FRY: variants seen among roughly 807,000 people sequenced by gnomAD.
FRY encodes FRY microtubule binding protein.
Under a neutral mutation model 348.4 loss-of-function variants are expected in FRY, and 128 were observed. The observed-to-expected ratio is 0.37, with a 90% CI of 0.32 to 0.43. The LOEUF (loss-of-function observed/expected upper bound fraction) is 0.43, where lower values mean the gene tolerates loss of function less well. Ranked by LOEUF, FRY falls within the 20% of genes least tolerant of loss-of-function variation. FRY has a pLI of 1.00. For missense variants in FRY, 2,736 were observed against 3,695.2 expected (o/e 0.74, Z 6.73); for synonymous variants, 1,370 against 1,374.7 (o/e 1.00, Z 0.08).
At chr13:32,042,611 G>A (rs1031988098) in intron 1 of FRY, among the ~76,000 whole-genome samples, 2 of 152,164 alleles carry the variant, frequency 1.3e-5, no homozygotes, top group Admixed American at 1.3e-4. Flanking sequence ...CACACTACAT[G>A]ATCACAGGAT....
chr13:32,297,398 G>A lies in FRY; in HGVS notation c.*1938G>A, dbSNP rs995264711. ...CAGTAGACAACTTTCAGAGAGTTTT[G>A]TTGGGAGCCACAGTAGAAAGAACAG... On this transcript the variant is annotated 3_prime_UTR_variant, in exon 61 of 61. Coordinates refer to ENST00000542859, the MANE Select transcript of FRY (RefSeq NM_023037.3). 1 of 151,666 alleles carries A rather than the reference G, an allele frequency of 6.6e-6. No individual in the cohort carries two copies. Among genetic ancestry groups the A allele is most frequent in the Non-Finnish European group, 1.5e-5 (1 of 67,984 alleles). 9.4% of individuals were successfully genotyped at this position (151,666 alleles called of 1,614,324 possible). A position where few individuals can be genotyped will look rare whatever the true frequency, so the allele number is the denominator to read the frequency against.
rs956021996 is a variant in FRY at position 32,113,725 on chromosome 13, G to A, written c.325-3609G>A. Among the ~76,000 whole-genome samples the A allele has an allele frequency of 8.5e-5, 13 of 152,192 alleles. No homozygotes were observed. In the East Asian group the frequency reaches 9.6e-4, roughly 11 times the overall value. ...CATCTTACCATTGGCTCTGCTTCCC[G>A]TAAATGAAGGAGTTGAGTAACCAAG... is the stretch of plus-strand genomic sequence containing the variant. On this transcript the variant is annotated intron_variant, in intron 3 of 60. Coordinates refer to ENST00000542859, the MANE Select transcript of FRY (RefSeq NM_023037.3).
chr13:32,288,822 G>A (rs534705114), intron 58 of FRY, among the ~76,000 whole-genome samples: 2 of 152,266 alleles, frequency 1.3e-5, no homozygotes, highest in African/African-American at 2.4e-5. Flanking sequence ...CACTACCTGG[G>A]AGCAAACTCA....
At chr13:32,281,659 A>G (rs185706847) in intron 58 of FRY, among the ~76,000 whole-genome samples, 1 of 152,310 alleles carries the variant, frequency 6.6e-6, no homozygotes, top group Non-Finnish European at 1.5e-5. Flanking sequence ...GTAACCAGAG[A>G]ACTCAAGCAG....
At chr13:32,256,327 C>G (rs1196410883) in intron 51 of FRY, among the ~76,000 whole-genome samples, 81 of 151,920 alleles carry the variant, frequency 5.3e-4, no homozygotes, top group Non-Finnish European at 7.4e-5. Flanking sequence ...CACTTGTGTC[C>G]AGGGGTTTAA....
At chr13:32,052,705 T>G (rs1873400952) in intron 1 of FRY, among the ~76,000 whole-genome samples, 1 of 152,254 alleles carries the variant, frequency 6.6e-6, no homozygotes, top group Admixed American at 6.5e-5. Context: ...AATTTACAGT[T>G]GAAAAAGTAC....
intron 3 of FRY, among the ~76,000 whole-genome samples, chr13:32,102,366 A>C (rs1205424059): frequency 1.3e-5 from 2 of 152,210 alleles, no homozygotes; most frequent in Non-Finnish European, 2.9e-5. Flanking sequence ...GAATGATACT[A>C]TGTGATGATC....
intron 26 of FRY, among the ~76,000 whole-genome samples, chr13:32,185,763 C>T (rs980431825): frequency 6.6e-6 from 1 of 151,938 alleles, no homozygotes; most frequent in African/African-American, 2.4e-5. Context: ...CTAATATTTC[C>T]GCTTTTCGCT....
At chr13:32,188,429 C>G (rs1301315923) in intron 28 of FRY, among the ~76,000 whole-genome samples, 1 of 152,060 alleles carries the variant, frequency 6.6e-6, no homozygotes, top group Non-Finnish European at 1.5e-5. Context: ...CTAATGATTC[C>G]CCATCAAAAC....
chr13:32,245,475 G>A (rs989354403), intron 47 of FRY, among the ~76,000 whole-genome samples: 17 of 151,992 alleles, frequency 1.1e-4, no homozygotes, highest in African/African-American at 3.6e-4. Flanking sequence ...TCAGCAAGGT[G>A]TGGTGGTGCA....
intron 29 of FRY, among the ~76,000 whole-genome samples, chr13:32,196,560 G>A (rs943436439): frequency 6.6e-6 from 1 of 152,028 alleles, no homozygotes; most frequent in African/African-American, 2.4e-5. Flanking sequence ...AGCAGTAAAG[G>A]ACTGTGTGTG....
intron 1 of FRY, among the ~76,000 whole-genome samples, chr13:32,054,888 T>TA (rs1002512657): frequency 6.6e-6 from 1 of 151,824 alleles, no homozygotes; most frequent in African/African-American, 2.4e-5. Context: ...AATACATAAA[T>TA]AAATAAATAA....
intron 1 of FRY, among the ~76,000 whole-genome samples, chr13:32,034,927 A>C (rs1872430886): frequency 6.6e-6 from 1 of 152,228 alleles, no homozygotes; most frequent in Admixed American, 6.5e-5. Context: ...GGCAGGGCCA[A>C]ATGGGCTTCA....
At chr13:32,142,573 A>G (rs528641215) in intron 11 of FRY, among the ~76,000 whole-genome samples, 7 of 152,262 alleles carry the variant, frequency 4.6e-5, no homozygotes, top group East Asian at 1.9e-4. Context: ...AAATCCTTCA[A>G]TTGACATCTT....
At chr13:32,156,443 AAT>A (rs1566101703) in intron 15 of FRY, among the ~76,000 whole-genome samples, 1 of 152,142 alleles carries the variant, frequency 6.6e-6, no homozygotes, top group Non-Finnish European at 1.5e-5. Context: ...CTCTACTAAA[AAT>A]ACAAAATTAG....
At chr13:32,170,968 G>T in intron 17 of FRY, 44 bp from the exon 18 acceptor site, 3 of 1,390,502 alleles carry the variant, frequency 2.2e-6, no homozygotes, top group Admixed American at 1.7e-5. Context: ...TAGAAGACCA[G>T]TTAATAAAGT....
intron 59 of FRY, among the ~76,000 whole-genome samples, 183 bp from the exon 60 acceptor site, chr13:32,294,185 A>G (rs1309170573): frequency 2.0e-5 from 3 of 152,140 alleles, no homozygotes; most frequent in Non-Finnish European, 4.4e-5. Flanking sequence ...CACATACTCA[A>G]TGCATCCAAC....
intron 17 of FRY, among the ~76,000 whole-genome samples, chr13:32,162,533 T>C (rs189973390): frequency 1.3e-4 from 20 of 152,264 alleles, no homozygotes; most frequent in Admixed American, 2.0e-4. Flanking sequence ...TATCTAGTAA[T>C]AGCTTTTAGA....
chr13:32,259,394 A>G (rs1199869818), intron 51 of FRY, among the ~76,000 whole-genome samples: 1 of 152,236 alleles, frequency 6.6e-6, no homozygotes, highest in African/African-American at 2.4e-5. Context: ...TTATTCCTCC[A>G]AGAACAGCTT....
Sources: gnomAD v4.1 joint callset for allele counts (sites outside exome capture counted in the v4.1 genomes callset) on GRCh38, gnomAD v4.1.1 for gene constraint, MANE v1.5 for transcripts, NCBI Gene and HGNC (gene_info 2026-07-23, HGNC 2026-07-21) for gene names.